MYT1L: variants seen among roughly 807,000 people sequenced by gnomAD.
MYT1L encodes the protein myelin transcription factor 1-like protein.
A neutral mutation model predicts 126.7 loss-of-function variants in MYT1L; 12 were observed. The observed-to-expected ratio is 0.09, with a 90% CI of 0.06 to 0.15. The LOEUF (loss-of-function observed/expected upper bound fraction) is 0.15, where lower values mean the gene tolerates loss of function less well. Among genes scored for constraint, MYT1L ranks in the 10% least tolerant of loss-of-function variants. MYT1L has a pLI of 1.00. For missense variants in MYT1L, 979 were observed against 1,585.2 expected, an observed-to-expected ratio of 0.62 and a Z score of 6.49; for synonymous variants, 541 against 604.2, an observed-to-expected ratio of 0.90 and a Z score of 1.53.
chr2:2,021,929 G>C (rs927033426), intron 4 of MYT1L, among the ~76,000 whole-genome samples: 1 of 152,102 alleles, frequency 6.6e-6, no homozygotes, highest in Non-Finnish European at 1.5e-5. Flanking sequence ...AGTTTACTGA[G>C]ATGCCACTGT....
Position 1,979,439 on chromosome 2 carries a change from C to G in MYT1L, c.89+82G>C. 1 of 1,367,454 alleles carries G rather than the reference C, an allele frequency of 7.3e-7. No individual in the cohort carries two copies. The highest frequency in any genetic ancestry group is 2.3e-5 in the East Asian group (1 of 43,642). 84.7% of individuals were successfully genotyped at this position (1,367,454 alleles called of 1,614,324 possible). On this transcript the variant is annotated intron_variant, in intron 7 of 24. Transcript: ENST00000647738. The surrounding 1 kb of genome is among the most constrained non-coding windows in gnomAD (Gnocchi z 4.0). The stretch of plus-strand genomic sequence containing the variant: ...AGGGCGTGAGCAAGCTGCCGATGAG[C>G]TGGAAGGTGCAGTGTGCCCATTAGA...
In MYT1L at chr2:1,790,968, AGGG is replaced by A. The variant is rs1486637411; in HGVS notation, c.*896_*898del. 2.5e-5 allele frequency: 7 copies of A among 279,172 alleles called. No individual in the cohort carries two copies. The highest frequency in any genetic ancestry group is 5.0e-5 in the Non-Finnish European group (7 of 141,052). The allele number at this position is 279,172 out of a possible 1,614,324, so 17.3% of individuals were successfully genotyped here. A position where few individuals can be genotyped will look rare whatever the true frequency, so the allele number is the denominator to read the frequency against. On this transcript the variant is annotated 3_prime_UTR_variant, in exon 25 of 25. Coordinates refer to ENST00000647738, the MANE Select transcript of MYT1L (RefSeq NM_001303052.2). ...ACAGTTCAGAGGGGCACGAAACTCT[AGGG>A]GAGATACGAGAAGGTTGTTCCAAAG...
intron 18 of MYT1L, among the ~76,000 whole-genome samples, chr2:1,859,389 AT>A (rs917624615): frequency 2.0e-5 from 3 of 152,180 alleles, no homozygotes; most frequent in Non-Finnish European, 4.4e-5. Flanking sequence ...CCTTATCATA[AT>A]TTTTTAAAAA....
Position 1,923,200 on chromosome 2 carries a change from T to A in MYT1L, c.569A>T (p.Asn190Ile). ...ATCGTAATTGTCATATTCGTCATTATTGTTATCATCCTTTTCTGTGTCTTG... is the reference window on the plus strand; with the variant it reads ...ATCGTAATTGTCATATTCGTCATTAATGTTATCATCCTTTTCTGTGTCTTG... ...IMQDTEKDDNNNDEYDNYDEL... is the reference protein window; with the variant it reads ...IMQDTEKDDNINDEYDNYDEL... The change falls in exon 10 of 25, where the codon AAT becomes ATT. Residue 190 changes from asparagine (N) to isoleucine (I), a missense_variant. This residue lies in a region of MYT1L where 243 missense variants were observed against 363.9 expected (regional missense o/e 0.67). Coordinates refer to ENST00000647738, the MANE Select transcript of MYT1L (RefSeq NM_001303052.2). The A allele has an allele frequency of 6.2e-7, 1 of 1,613,546 alleles. No individual in the cohort carries two copies. The highest frequency in any genetic ancestry group is 1.7e-5 in the Admixed American group (1 of 59,950).
At position 1,889,770 on chromosome 2, in the gene MYT1L, C is replaced by T. The variant is rs1172765358; in HGVS notation, c.2284-293G>A. On this transcript the variant is annotated intron_variant, in intron 15 of 24. Transcript: ENST00000647738. The surrounding 1 kb of genome is among the most constrained non-coding windows in gnomAD (Gnocchi z 4.1). ...TTTATCTACTGTCTATCCTCTCTCT[C>T]TCCTTCCTTTTTGTCCTATTGTATC... 6.6e-6 allele frequency among the ~76,000 whole-genome samples: 1 copy of T among 152,138 alleles called. No individual in the cohort carries two copies.
rs59112373 is a variant in MYT1L at position 2,241,313 on chromosome 2, C to T, written c.-421+43091G>A. Among the ~76,000 whole-genome samples the T allele has an allele frequency of 7.2e-3, 1,099 of 151,994 alleles. 10 individuals carry two copies. Among genetic ancestry groups the T allele is most frequent in the African/African-American group, 0.025 (1,046 of 41,454 alleles). On this transcript the variant is annotated intron_variant, in intron 2 of 24. Transcript: ENST00000647738. Reference sequence around the variant, plus strand: ...TGTGTGTGATACATCCACCACAAAACAGAAATAATCAGAAAAGAGGGAAGA... The same window carrying T: ...TGTGTGTGATACATCCACCACAAAATAGAAATAATCAGAAAAGAGGGAAGA...
At chr2:1,976,379 C>T (rs149475898) in intron 8 of MYT1L, among the ~76,000 whole-genome samples, 58 of 152,318 alleles carry the variant, frequency 3.8e-4, no homozygotes, top group Admixed American at 1.1e-3. Context: ...AGGTGGCTCA[C>T]GCCTATAATC....
At chr2:2,134,186 C>T (rs760136065) in intron 3 of MYT1L, among the ~76,000 whole-genome samples, 2 of 152,146 alleles carry the variant, frequency 1.3e-5, no homozygotes, top group Non-Finnish European at 1.5e-5. Context: ...ATGCTGGCAC[C>T]CCTGGGAGTC....
chr2:2,113,134 C>T (rs894469977), intron 3 of MYT1L, among the ~76,000 whole-genome samples: 1 of 152,214 alleles, frequency 6.6e-6, no homozygotes, highest in African/African-American at 2.4e-5. Context: ...CTCCCACCTC[C>T]TGAGTTGGGA....
At chr2:2,120,699 G>T (rs1412502125) in intron 3 of MYT1L, among the ~76,000 whole-genome samples, 1 of 151,974 alleles carries the variant, frequency 6.6e-6, no homozygotes, top group Non-Finnish European at 1.5e-5. Context: ...AACTCTTAAG[G>T]TATTACTTGT....
intron 1 of MYT1L, among the ~76,000 whole-genome samples, chr2:2,307,362 G>T (rs1055833001): frequency 2.0e-5 from 3 of 152,006 alleles, no homozygotes; most frequent in Admixed American, 6.6e-5. Context: ...TGGCGTCATG[G>T]CTACTATTAA....
intron 15 of MYT1L, among the ~76,000 whole-genome samples, chr2:1,890,224 C>T (rs1186514600): frequency 6.6e-6 from 1 of 152,050 alleles, no homozygotes; most frequent in Non-Finnish European, 1.5e-5. Flanking sequence ...TTTGCACCAC[C>T]ATGCCCAACT....
chr2:1,927,350 A>C lies in MYT1L; in HGVS notation c.506-4087T>G, dbSNP rs531156587. Among the ~76,000 whole-genome samples, 15 of 152,334 alleles carry C rather than the reference A, an allele frequency of 9.8e-5. No individual in the cohort carries two copies. The South Asian group carries it at 2.9e-3, about 29-fold the overall frequency. On this transcript the variant is annotated intron_variant, in intron 9 of 24. Coordinates refer to ENST00000647738, the MANE Select transcript of MYT1L (RefSeq NM_001303052.2). ...ATGAAACGTTTTAGGGTTGAATTTT[A>C]TCTCTTTTGAGTCAGATTGTTATAA...
chr2:1,977,958 AATTG>A (rs1436269905), intron 8 of MYT1L, among the ~76,000 whole-genome samples: 3 of 152,252 alleles, frequency 2.0e-5, no homozygotes, highest in African/African-American at 7.2e-5. Flanking sequence ...ATCATAATGT[AATTG>A]ACTAAATTTA....
intron 2 of MYT1L, among the ~76,000 whole-genome samples, chr2:2,183,438 G>C (rs576515931): frequency 6.6e-6 from 1 of 152,240 alleles, no homozygotes; most frequent in African/African-American, 2.4e-5. Flanking sequence ...AAGCCATCCT[G>C]TTTCCTAAAG....
intron 3 of MYT1L, among the ~76,000 whole-genome samples, chr2:2,076,623 A>G (rs1047450269): frequency 4.6e-5 from 7 of 152,224 alleles, no homozygotes; most frequent in South Asian, 2.1e-4. Context: ...TTTTACCAGG[A>G]AAGTTACTAA....
At chr2:1,950,899 T>C (rs1342030785) in intron 8 of MYT1L, among the ~76,000 whole-genome samples, 2 of 151,966 alleles carry the variant, frequency 1.3e-5, no homozygotes, top group Non-Finnish European at 2.9e-5. Context: ...GGAAGGTCAT[T>C]TAAGGAGCAA....
At chr2:1,859,882 G>A (rs979199543) in intron 18 of MYT1L, among the ~76,000 whole-genome samples, 9 of 152,228 alleles carry the variant, frequency 5.9e-5, no homozygotes, top group East Asian at 5.8e-4. Flanking sequence ...GACCCGGGCC[G>A]CGCTGGTGAC....
intron 3 of MYT1L, among the ~76,000 whole-genome samples, chr2:2,127,390 CTT>C (rs2081855608): frequency 6.6e-6 from 1 of 152,196 alleles, no homozygotes; most frequent in Non-Finnish European, 1.5e-5. Context: ...AAAAGGCTCT[CTT>C]AAAACCTGTT....
Sources: allele counts gnomAD v4.1 joint callset (sites outside exome capture counted in the v4.1 genomes callset), GRCh38; gene constraint gnomAD v4.1.1; regional missense constraint gnomAD v4.1.1; non-coding constraint Gnocchi (gnomAD v3.1); transcripts MANE v1.5; gene names NCBI Gene and HGNC (gene_info 2026-07-23, HGNC 2026-07-21).